Variants in PIBF1 observed in about 807,000 individuals in gnomAD.
PIBF1 encodes progesterone immunomodulatory binding factor 1.
PIBF1 carries 90 observed loss-of-function variants against 112.5 expected under a neutral mutation model. That is an observed-to-expected ratio of 0.80 (90% CI 0.67 to 0.95). PIBF1 has a LOEUF of 0.95. Among genes scored for constraint, PIBF1 ranks in the 40% least tolerant of loss-of-function variants. The pLI is 0.00. For synonymous variants in PIBF1, 301 were observed against 288.6 expected (o/e 1.04, Z -0.44); for missense variants, 915 against 852.3 (o/e 1.07, Z -0.92).
chr13:73,000,479 C>T (rs1159795598), intron 17 of PIBF1, among the ~76,000 whole-genome samples: 1 of 152,150 alleles, frequency 6.6e-6, no homozygotes. Flanking sequence ...GTTCCAAATA[C>T]AGCTGCCGAG....
intron 16 of PIBF1, among the ~76,000 whole-genome samples, chr13:72,982,517 T>G (rs1185052961): frequency 1.3e-5 from 2 of 152,178 alleles, no homozygotes; most frequent in Non-Finnish European, 2.9e-5. Flanking sequence ...AACATACCCT[T>G]TTCTACCTCA....
chr13:72,782,509 A>G (rs1173179732), intron 1 of PIBF1, among the ~76,000 whole-genome samples, 160 bp downstream of exon 1: 3 of 152,020 alleles, frequency 2.0e-5, no homozygotes, highest in South Asian at 4.2e-4. Context: ...ACTTTTTCTT[A>G]CCTATTTCCC....
intron 2 of PIBF1, among the ~76,000 whole-genome samples, chr13:72,788,651 C>G (rs971926548): frequency 6.6e-6 from 1 of 152,158 alleles, no homozygotes; most frequent in Non-Finnish European, 1.5e-5. Flanking sequence ...AGAGTTCTTC[C>G]AGAAGTTCAA....
chr13:72,809,608 T>TG (rs398023382), intron 5 of PIBF1, among the ~76,000 whole-genome samples: 3 of 147,532 alleles, frequency 2.0e-5, no homozygotes, highest in African/African-American at 7.4e-5. Context: ...TTTTTTTTTT[T>TG]GGAGATGGAG....
At chr13:72,973,109 T>C (rs2042937745) in intron 15 of PIBF1, among the ~76,000 whole-genome samples, 1 of 152,162 alleles carries the variant, frequency 6.6e-6, no homozygotes, top group South Asian at 2.1e-4. Context: ...GTCAAATGGA[T>C]TCTTAAGAGA....
At chr13:72,987,867 T>TA (rs1566522355) in intron 16 of PIBF1, among the ~76,000 whole-genome samples, 22 of 105,738 alleles carry the variant, frequency 2.1e-4, no homozygotes, top group East Asian at 4.5e-4. Flanking sequence ...TATTTTTTTT[T>TA]TTTTTTTTTT....
intron 14 of PIBF1, among the ~76,000 whole-genome samples, chr13:72,940,318 T>C (rs1295913082): frequency 1.3e-5 from 2 of 152,150 alleles, no homozygotes; most frequent in Non-Finnish European, 2.9e-5. Flanking sequence ...CCAGTTTTTA[T>C]CTCAGATATT....
At chr13:72,940,035 A>G (rs2041970567) in intron 14 of PIBF1, among the ~76,000 whole-genome samples, 1 of 152,032 alleles carries the variant, frequency 6.6e-6, no homozygotes, top group African/African-American at 2.4e-5. Flanking sequence ...CATGTTTCCT[A>G]TGCTTGGGTT....
intron 10 of PIBF1, among the ~76,000 whole-genome samples, chr13:72,861,608 A>C (rs1265017822): frequency 6.6e-6 from 1 of 152,078 alleles, no homozygotes; most frequent in Non-Finnish European, 1.5e-5. Context: ...ATCTGCTACT[A>C]GGCCAGAGTG....
intron 17 of PIBF1, among the ~76,000 whole-genome samples, chr13:73,012,499 T>A (rs569163476): frequency 2.5e-4 from 38 of 151,154 alleles, no homozygotes; most frequent in African/African-American, 8.0e-4. Context: ...TGTGAGAGGA[T>A]CACTTGAACC....
intron 10 of PIBF1, among the ~76,000 whole-genome samples, chr13:72,890,087 C>CT (rs1356748846): frequency 6.6e-6 from 1 of 152,170 alleles, no homozygotes; most frequent in Non-Finnish European, 1.5e-5. Flanking sequence ...ACATCAGAGT[C>CT]TAACAAGTAA....
intron 15 of PIBF1, among the ~76,000 whole-genome samples, chr13:72,973,116 G>C (rs150375359): frequency 4.2e-4 from 64 of 152,190 alleles, no homozygotes; most frequent in African/African-American, 1.4e-3. Flanking sequence ...GGATTCTTAA[G>C]AGAAGAAAAG....
At chr13:72,995,936 G>A (rs1234148919) in intron 16 of PIBF1, among the ~76,000 whole-genome samples, 8 of 144,272 alleles carry the variant, frequency 5.5e-5, no homozygotes, top group Non-Finnish European at 9.0e-5. Context: ...ATGACAGAGC[G>A]AGACTCCATC....
intron 2 of PIBF1, among the ~76,000 whole-genome samples, chr13:72,790,436 C>T (rs2034841135): frequency 6.8e-6 from 1 of 147,604 alleles, no homozygotes; most frequent in Non-Finnish European, 1.5e-5. Context: ...CACACACACA[C>T]ACACACACAC....
chr13:72,812,716 A>G (rs1045305091), intron 5 of PIBF1, among the ~76,000 whole-genome samples: 1 of 152,020 alleles, frequency 6.6e-6, no homozygotes, highest in East Asian at 1.9e-4. Context: ...CCTGGGAGCC[A>G]GAGGTTGCAG....
intron 14 of PIBF1, among the ~76,000 whole-genome samples, chr13:72,959,745 CAG>C (rs1030877884): frequency 3.2e-4 from 49 of 152,084 alleles, no homozygotes; most frequent in Admixed American, 2.8e-3. Context: ...ATGTTTTAAT[CAG>C]GGGTTACTTT....
chr13:72,912,794 C>T (rs1417866071), intron 12 of PIBF1, among the ~76,000 whole-genome samples: 1 of 151,946 alleles, frequency 6.6e-6, no homozygotes, highest in Non-Finnish European at 1.5e-5. Context: ...AAACAATTGA[C>T]TTACTTAACA....
intron 13 of PIBF1, among the ~76,000 whole-genome samples, chr13:72,928,055 A>G (rs2138750860): frequency 6.9e-6 from 1 of 144,958 alleles, no homozygotes; most frequent in East Asian, 2.0e-4. Flanking sequence ...ACATATATAT[A>G]TGAGGAAATG....
chr13:72,795,972 A>C (rs1056144837), intron 4 of PIBF1, among the ~76,000 whole-genome samples: 7 of 152,196 alleles, frequency 4.6e-5, no homozygotes, highest in African/African-American at 1.7e-4. Flanking sequence ...TGGTTACACA[A>C]ATCTAGAACA....
Sources: allele counts gnomAD v4.1 joint callset (sites outside exome capture counted in the v4.1 genomes callset), GRCh38; gene constraint gnomAD v4.1.1; transcripts MANE v1.5; gene names NCBI Gene and HGNC (gene_info 2026-07-23, HGNC 2026-07-21).